The following LCT variants were observed in gnomAD, a reference collection of about 807,000 sequenced individuals.
LCT encodes lactase.
A neutral mutation model predicts 173.0 loss-of-function variants in LCT; 90 were observed. The ratio of observed to expected loss-of-function variants is 0.52; its 90% confidence interval spans 0.44 to 0.62. The LOEUF is 0.62. LCT is among the 20% of genes least tolerant of loss of function. The pLI is 0.00. For missense variants in LCT, 1,864 were observed against 2,431.4 expected (o/e 0.77, Z 4.91); for synonymous variants, 853 against 957.6 (o/e 0.89, Z 2.02).
intron 4 of LCT, among the ~76,000 whole-genome samples, chr2:135,823,611 G>A (rs960115718): frequency 6.6e-6 from 1 of 152,128 alleles, no homozygotes; most frequent in Non-Finnish European, 1.5e-5. Flanking sequence ...ATAAAAGGAG[G>A]CAAAGATGAT....
chr2:135,822,551 A>C (rs1450740879), intron 4 of LCT: 1 of 202,606 alleles, frequency 4.9e-6, no homozygotes, highest in East Asian at 1.3e-4. Context: ...ACGCATAAAC[A>C]GAAAAGGTAC....
rs2105515508 is a variant in LCT at position 135,788,519 on chromosome 2, C to G, written c.5589G>C (p.Val1863=). The G allele has an allele frequency of 1.2e-6, 2 of 1,611,932 alleles. No individual in the cohort carries two copies. Among genetic ancestry groups the G allele is most frequent in the Non-Finnish European group, 1.7e-6 (2 of 1,179,454 alleles). ...CCAGGAACTGCACCTCCTCCTGTCTCACGGGGCTGATGGTGGGTCCAGCAT... is the reference window on the plus strand; with the variant it reads ...CCAGGAACTGCACCTCCTCCTGTCTGACGGGGCTGATGGTGGGTCCAGCAT... ...QPDAGPTISP[V]RQEEVQFLGL... is the part of the protein sequence containing the mutation. Residue 1863 remains valine (V), a synonymous_variant, in exon 17 of 17, where the codon GTG becomes GTC. Transcript: ENST00000264162.
At chr2:135,833,361 G>A (rs1335182053) in intron 1 of LCT, among the ~76,000 whole-genome samples, 171 bp from the exon 2 acceptor site, 1 of 134,838 alleles carries the variant, frequency 7.4e-6, no homozygotes, top group Non-Finnish European at 1.5e-5. Context: ...TGTTCCTTTA[G>A]AGAGTGTTTT....
At chr2:135,793,030 C>A (rs2077544850) in intron 14 of LCT, among the ~76,000 whole-genome samples, 1 of 152,174 alleles carries the variant, frequency 6.6e-6, no homozygotes, top group African/African-American at 2.4e-5. Context: ...GCCATTATAG[C>A]AACTCATAAC....
At chr2:135,802,801 G>A (rs1460668552) in intron 11 of LCT, among the ~76,000 whole-genome samples, 1 of 152,148 alleles carries the variant, frequency 6.6e-6, no homozygotes, top group African/African-American at 2.4e-5. Context: ...GTGTGGCACT[G>A]TAGAGTGAAT....
In LCT at chr2:135,800,505, A is replaced by T. The variant is rs1315446419; in HGVS notation, c.4866+102T>A. 6 of 1,005,130 alleles carry T rather than the reference A, an allele frequency of 6.0e-6. No homozygotes were observed. In the East Asian group the frequency reaches 1.2e-4, roughly 20 times the overall value. The allele number at this position is 1,005,130 out of a possible 1,614,324, so 62.3% of individuals were successfully genotyped here. A position where few individuals can be genotyped will look rare whatever the true frequency, so the allele number is the denominator to read the frequency against. ...CTTCCAAAGTGCTGGGATTATAGAC[A>T]TGAGCCACCACACCCTAAATCTTTG... On this transcript the variant is annotated intron_variant, in intron 12 of 16. Coordinates refer to ENST00000264162, the MANE Select transcript of LCT (RefSeq NM_002299.4).
At chr2:135,811,310 A>C (rs1441871926) in intron 7 of LCT, among the ~76,000 whole-genome samples, 2 of 152,220 alleles carry the variant, frequency 1.3e-5, no homozygotes, top group African/African-American at 2.4e-5. Flanking sequence ...CCGTGGTGCC[A>C]GTGAATATAA....
At chr2:135,798,849 C>A (rs2077603298) in intron 12 of LCT, among the ~76,000 whole-genome samples, 1 of 152,134 alleles carries the variant, frequency 6.6e-6, no homozygotes, top group Non-Finnish European at 1.5e-5. Flanking sequence ...GCATGGAACA[C>A]ACATGCCCTG....
chr2:135,797,369 G>T (rs1246041977), intron 13 of LCT, among the ~76,000 whole-genome samples: 2 of 152,172 alleles, frequency 1.3e-5, no homozygotes, highest in East Asian at 3.9e-4. Context: ...GCATGTTCCC[G>T]TGGGCAGTGA....
intron 6 of LCT, among the ~76,000 whole-genome samples, chr2:135,816,518 C>G (rs2077782322): frequency 6.6e-6 from 1 of 152,226 alleles, no homozygotes. Context: ...ACGAGGGGAA[C>G]AGGAGAGGAA....
At chr2:135,817,035 A>AT (rs1404068634) in intron 6 of LCT, among the ~76,000 whole-genome samples, 1 of 145,166 alleles carries the variant, frequency 6.9e-6, no homozygotes, top group African/African-American at 2.6e-5. Context: ...TGCCCAGCTA[A>AT]TTTTTGTATT....
intron 13 of LCT, 121 bp downstream of exon 13, chr2:135,797,908 C>G (rs2077595316): frequency 1.4e-6 from 1 of 735,856 alleles, no homozygotes; most frequent in Non-Finnish European, 2.5e-6. Flanking sequence ...CTAAGCTTTA[C>G]ATATATGATC....
chr2:135,832,485 T>A (rs1222614275), intron 2 of LCT, among the ~76,000 whole-genome samples: 1 of 151,416 alleles, frequency 6.6e-6, no homozygotes, highest in Non-Finnish European at 1.5e-5. Context: ...ATACGTACAT[T>A]TTTAATTTTT....
intron 16 of LCT, among the ~76,000 whole-genome samples, chr2:135,789,307 A>G (rs1225824946): frequency 6.6e-6 from 1 of 152,202 alleles, no homozygotes; most frequent in African/African-American, 2.4e-5. Context: ...ACAGCAAGTT[A>G]GTGGTAGGGC....
intron 1 of LCT, among the ~76,000 whole-genome samples, chr2:135,833,604 G>A (rs1052308254): frequency 2.0e-5 from 3 of 150,816 alleles, no homozygotes; most frequent in South Asian, 2.1e-4. Flanking sequence ...CCGCCACCAC[G>A]CCCGGCTAAT....
rs1305451365 is a variant in LCT, at chr2:135,808,920, C to T, written c.3427G>A (p.Ala1143Thr). The T allele has an allele frequency of 1.1e-5, 17 of 1,614,084 alleles. No homozygotes were observed. Among genetic ancestry groups the T allele is most frequent in the East Asian group, 2.2e-5 (1 of 44,902 alleles). ...SPGVPRDVEA[A>T]DRMLQFSLGW... ...AGGGAGAACTGCAGCATTCGGTCAG[C>T]GGCTTCCACATCTCTGGGGACCCCT... is the stretch of plus-strand genomic sequence containing the variant. Residue 1143 changes from alanine (A) to threonine (T), a missense_variant, in exon 8 of 17, where the codon GCT becomes ACT. Coordinates refer to ENST00000264162, the MANE Select transcript of LCT (RefSeq NM_002299.4).
intron 6 of LCT, among the ~76,000 whole-genome samples, chr2:135,813,444 T>C (rs921783891): frequency 1.3e-5 from 2 of 152,208 alleles, no homozygotes; most frequent in Non-Finnish European, 2.9e-5. Flanking sequence ...TTCTTCAAAA[T>C]TGTCAACAAA....
rs780422817 is a variant in LCT, at chr2:135,808,416, T to C, written c.3904+27A>G. On this transcript the variant is annotated intron_variant, in intron 8 of 16. Transcript: ENST00000264162. ...GACCCAGGGAATGTTGGAAGATTTC[T>C]TTAAGGGGAACTGAACCCTCACACA... 14 of 1,565,162 alleles carry C rather than the reference T, an allele frequency of 8.9e-6. No homozygotes were observed. The East Asian group carries it at 3.1e-4, about 35-fold the overall frequency.
At chr2:135,836,406 T>C in intron 1 of LCT, 124 bp downstream of exon 1, 1 of 884,490 alleles carries the variant, frequency 1.1e-6, no homozygotes. Flanking sequence ...TTTCTCCCTA[T>C]GCACAGACAT....
Sources: gnomAD v4.1 joint callset for allele counts (sites outside exome capture counted in the v4.1 genomes callset) on GRCh38, gnomAD v4.1.1 for gene constraint, MANE v1.5 for transcripts, NCBI Gene and HGNC (gene_info 2026-07-23, HGNC 2026-07-21) for gene names.